PRMT7: variants seen among roughly 807,000 people sequenced by gnomAD.
PRMT7 encodes protein arginine N-methyltransferase 7.
Under a neutral mutation model 85.4 loss-of-function variants are expected in PRMT7, and 75 were observed. The ratio of observed to expected loss-of-function variants is 0.88; its 90% CI spans 0.73 to 1.06. The LOEUF is 1.06. Among genes scored for constraint, PRMT7 ranks in the 50% least tolerant of loss-of-function variants. The probability of loss-of-function intolerance (pLI) is 0.00; values close to 1 mark genes in which losing one functional copy is unlikely to be tolerated. For synonymous variants in PRMT7, 397 were observed against 359.5 expected (o/e 1.10, Z -1.18); for missense variants, 868 against 915.2 (o/e 0.95, Z 0.67).
intron 6 of PRMT7, among the ~76,000 whole-genome samples, chr16:68,331,384 T>C (rs748816944): frequency 6.6e-6 from 1 of 152,206 alleles, no homozygotes; most frequent in Non-Finnish European, 1.5e-5. Context: ...GATAGGTCTT[T>C]AGATTCACTG....
intron 14 of PRMT7, among the ~76,000 whole-genome samples, chr16:68,350,819 AGT>A (rs1284722162): frequency 2.0e-5 from 3 of 152,204 alleles, no homozygotes; most frequent in African/African-American, 4.8e-5. Context: ...GAATCAGACA[AGT>A]GTGTGGTCTT....
intron 2 of PRMT7, among the ~76,000 whole-genome samples, chr16:68,313,007 T>C (rs1412643787): frequency 6.6e-6 from 1 of 152,170 alleles, no homozygotes; most frequent in Non-Finnish European, 1.5e-5. Context: ...GTATTTTTAG[T>C]AGAGACGGGG....
At chr16:68,318,320 C>T (rs1490500487) in intron 3 of PRMT7, among the ~76,000 whole-genome samples, 1 of 151,910 alleles carries the variant, frequency 6.6e-6, no homozygotes, top group Non-Finnish European at 1.5e-5. Context: ...CCGCCTCAGC[C>T]TCTTGAGTAG....
At chr16:68,329,289 C>G (rs528139112) in intron 6 of PRMT7, 115 bp downstream of exon 6, 183 of 685,964 alleles carry the variant, frequency 2.7e-4, no homozygotes, top group Middle Eastern at 7.8e-4. Context: ...TGGGACCTCT[C>G]TGTGTGGAGC....
At position 68,311,042 on chromosome 16, in the gene PRMT7, G is replaced by GT; in HGVS notation, c.-275dup. On this transcript the variant is annotated 5_prime_UTR_variant, in exon 1 of 19. Transcript: ENST00000441236. ...TCGACGCTGCGAGGTCCCGCCCCGC[G>GT]TGCTGGCCGCGGTAAAAGTGGTAGC... 1.1e-6 allele frequency: 1 copy of GT among 951,168 alleles called. No homozygotes were observed. The highest frequency in any genetic ancestry group is 1.4e-5 in the South Asian group (1 of 71,728). The allele number at this position is 951,168 out of a possible 1,614,324, so 58.9% of individuals were successfully genotyped here.
At chr16:68,359,195 C>G (rs1221315963), downstream of PRMT7, 1 of 152,386 alleles carries the variant, frequency 6.6e-6, no homozygotes, top group East Asian at 1.9e-4. Flanking sequence ...CGGCAGGCGG[C>G]TCGGGGTCTA....
At chr16:68,337,669 C>T in intron 7 of PRMT7, 98 bp downstream of exon 7, 1 of 656,482 alleles carries the variant, frequency 1.5e-6, no homozygotes, top group Non-Finnish European at 2.4e-6. Context: ...AAGCCCTCAG[C>T]ACCTCTGATA....
chr16:68,331,466 G>C lies in PRMT7; in HGVS notation c.391+2292G>C, dbSNP rs75596005. Among the ~76,000 whole-genome samples, 709 of 118,930 alleles carry C rather than the reference G, an allele frequency of 6.0e-3. 12 individuals are homozygous for C. Among genetic ancestry groups the C allele is most frequent in the Middle Eastern group, 0.018 (4 of 228 alleles). 78.0% of individuals were successfully genotyped at this position (118,930 alleles called of 152,430 possible). ...AACTTTTCATTTCTCTTTCTTTGTT[G>C]TTCTTTTTTTTTTTTTTTTGAGACA... On this transcript the variant is annotated intron_variant, in intron 6 of 18. Transcript: ENST00000441236.
intron 11 of PRMT7, among the ~76,000 whole-genome samples, chr16:68,346,534 CAGACA>C (rs1567719451): frequency 4.6e-5 from 7 of 151,488 alleles, no homozygotes; most frequent in African/African-American, 1.5e-4. Flanking sequence ...TTTGCCTTGT[CAGACA>C]CAGTCATTGC....
intron 9 of PRMT7, among the ~76,000 whole-genome samples, chr16:68,345,090 T>C (rs939091086): frequency 6.6e-6 from 1 of 152,048 alleles, no homozygotes; most frequent in African/African-American, 2.4e-5. Context: ...ATGAAACACA[T>C]GATCACACCT....
intron 16 of PRMT7, 44 bp downstream of exon 16, chr16:68,353,610 G>C (rs772090617): frequency 1.3e-6 from 2 of 1,490,168 alleles, no homozygotes; most frequent in Admixed American, 4.6e-5. Context: ...ACCTGCTCCT[G>C]TATCGCAGGC....
At chr16:68,333,780 A>C (rs539542031) in intron 6 of PRMT7, among the ~76,000 whole-genome samples, 1 of 152,244 alleles carries the variant, frequency 6.6e-6, no homozygotes, top group South Asian at 2.1e-4. Flanking sequence ...TTATTAAAAA[A>C]AAAAATTTTT....
At chr16:68,324,448 T>C in intron 4 of PRMT7, 1 of 552,418 alleles carries the variant, frequency 1.8e-6, no homozygotes, top group Non-Finnish European at 3.2e-6. Context: ...GGCTCTGGCA[T>C]CACTTAGTAG....
At chr16:68,348,517 C>T in intron 14 of PRMT7, 86 bp downstream of exon 14, 1 of 1,102,268 alleles carries the variant, frequency 9.1e-7, no homozygotes, top group Non-Finnish European at 1.3e-6. Flanking sequence ...CACCCTGTCC[C>T]TGGAGTCTCA....
chr16:68,313,517 C>T (rs534678275), intron 2 of PRMT7, among the ~76,000 whole-genome samples: 1 of 152,274 alleles, frequency 6.6e-6, no homozygotes, highest in East Asian at 1.9e-4. Context: ...GGATGAAATG[C>T]CTTCTCCGTC....
rs371992709 is a variant in PRMT7 at position 68,356,814 on chromosome 16, G to A, written c.1908+17G>A. The A allele has an allele frequency of 4.8e-4, 767 of 1,593,786 alleles. 1 individual carries two copies. Among genetic ancestry groups the A allele is most frequent in the Middle Eastern group, 9.0e-4 (4 of 4,424 alleles). ...GACCCCGAGGTAGTGCCTGCGCACC[G>A]GGCCCAGTGTGCGTGCAGACCCTGA... On this transcript the variant is annotated intron_variant, in intron 18 of 18. Transcript: ENST00000441236.
At chr16:68,316,222 CAGGT>C (rs2081837082) in intron 3 of PRMT7, 148 bp downstream of exon 3, 1 of 659,298 alleles carries the variant, frequency 1.5e-6, no homozygotes, top group Admixed American at 2.8e-5. Flanking sequence ...TCTGCTCAGC[CAGGT>C]AGGTATATGT....
intron 9 of PRMT7, among the ~76,000 whole-genome samples, chr16:68,341,508 C>A (rs2085529312): frequency 6.6e-6 from 1 of 152,192 alleles, no homozygotes; most frequent in Admixed American, 6.5e-5. Flanking sequence ...CTCCCGGGTT[C>A]AAGCAATTCT....
At position 68,357,248 on chromosome 16, in the gene PRMT7, C is replaced by A; in HGVS notation, c.*24C>A. The A allele has an allele frequency of 6.3e-7, 1 of 1,592,172 alleles. No individual in the cohort carries two copies. The highest frequency in any genetic ancestry group is 8.6e-7 in the Non-Finnish European group (1 of 1,167,850). On this transcript the variant is annotated 3_prime_UTR_variant, in exon 19 of 19. Transcript: ENST00000441236. ...GACCACTCTTGAGCAATAAAGTGGC[C>A]TGAGGGCTGGGGTTCTGAGTGGCTC...
Sources: allele counts gnomAD v4.1 joint callset (sites outside exome capture counted in the v4.1 genomes callset), GRCh38; gene constraint gnomAD v4.1.1; transcripts MANE v1.5; gene names NCBI Gene and HGNC (gene_info 2026-07-23, HGNC 2026-07-21).